The following XDH variants were observed in gnomAD, a reference collection of about 807,000 sequenced individuals.
XDH encodes xanthine dehydrogenase/oxidase.
XDH carries 138 observed loss-of-function variants against 156.1 expected under a neutral mutation model. The ratio of observed to expected loss-of-function variants is 0.88; its 90% CI spans 0.77 to 1.02. XDH has a LOEUF of 1.02. Ranked by LOEUF, XDH falls within the 50% of genes least tolerant of loss-of-function variation. The pLI, the probability that XDH is intolerant of heterozygous loss-of-function variation, is 0.00. For missense variants in XDH, 1,849 were observed against 1,684.9 expected, an observed-to-expected ratio of 1.10 and a Z score of -1.71; for synonymous variants, 669 against 625.7, an observed-to-expected ratio of 1.07 and a Z score of -1.03.
At chr2:31,401,506 CA>C (rs991616776) in intron 3 of XDH, among the ~76,000 whole-genome samples, 178 bp from the exon 4 acceptor site, 8 of 152,184 alleles carry the variant, frequency 5.3e-5, no homozygotes, top group Non-Finnish European at 1.0e-4. Flanking sequence ...GGGAAAGGAA[CA>C]AAGGAAGCTC....
At chr2:31,401,166 C>G (rs1229808612) in intron 4 of XDH, 54 bp downstream of exon 4, 1 of 1,599,022 alleles carries the variant, frequency 6.3e-7, no homozygotes, top group African/African-American at 1.3e-5. Flanking sequence ...CATGAGCCTC[C>G]CTGCAGAGGA....
At chr2:31,376,109 G>C (rs2148775382) in intron 14 of XDH, among the ~76,000 whole-genome samples, 1 of 152,162 alleles carries the variant, frequency 6.6e-6, no homozygotes, top group African/African-American at 2.4e-5. Flanking sequence ...AGTAATAGTA[G>C]TAGCAGTAGT....
At chr2:31,387,696 C>A in intron 8 of XDH, 115 bp downstream of exon 8, 1 of 1,031,054 alleles carries the variant, frequency 9.7e-7, no homozygotes, top group South Asian at 1.5e-5. Flanking sequence ...GAAATTTAAG[C>A]TGAAACATAA....
Position 31,349,669 on chromosome 2 carries a change from C to G in XDH, c.2969+17G>C. ...GAAACCCAGAAGAGCAACTGGACTT[C>G]TACTCCTAGTGCTTACTTGTTGAAC... On this transcript the variant is annotated intron_variant, in intron 26 of 35. Coordinates refer to ENST00000379416, the MANE Select transcript of XDH (RefSeq NM_000379.4). 1 of 1,613,436 alleles carries G rather than the reference C, an allele frequency of 6.2e-7. No individual in the cohort carries two copies. Among genetic ancestry groups the G allele is most frequent in the Non-Finnish European group, 8.5e-7 (1 of 1,180,032 alleles).
At chr2:31,345,850 T>A (rs1368787718) in intron 30 of XDH, among the ~76,000 whole-genome samples, 1 of 152,182 alleles carries the variant, frequency 6.6e-6, no homozygotes, top group South Asian at 2.1e-4. Context: ...ACAGGTCAGA[T>A]GATAGAACAT....
At chr2:31,346,665 T>C in intron 30 of XDH, 104 bp downstream of exon 30, 2 of 1,365,990 alleles carry the variant, frequency 1.5e-6, no homozygotes, top group Non-Finnish European at 2.1e-6. Context: ...TCTGCTGTTC[T>C]GACTAAAATA....
At chr2:31,360,128 C>T (rs1424840318) in intron 24 of XDH, among the ~76,000 whole-genome samples, 4 of 152,204 alleles carry the variant, frequency 2.6e-5, no homozygotes, top group African/African-American at 4.8e-5. Context: ...TTTCACTTTC[C>T]GTAGTTTGTT....
At chr2:31,346,384 G>C (rs769523192) in intron 30 of XDH, among the ~76,000 whole-genome samples, 3 of 152,182 alleles carry the variant, frequency 2.0e-5, no homozygotes, top group Non-Finnish European at 4.4e-5. Flanking sequence ...TCAAGAGATG[G>C]AGATTTGAGG....
chr2:31,408,529 T>C (rs998642337), intron 1 of XDH, among the ~76,000 whole-genome samples: 4 of 152,240 alleles, frequency 2.6e-5, no homozygotes, highest in African/African-American at 7.2e-5. Flanking sequence ...CATAATGGGC[T>C]ATAATACATT....
In XDH at chr2:31,350,126, G is replaced by A. The variant is rs669884; in HGVS notation, c.2729C>T (p.Thr910Met). The A allele has an allele frequency of 4.1e-4, 657 of 1,614,224 alleles. 1 individual carries two copies. The African/African-American group carries it at 6.5e-3, about 16-fold the overall frequency. Residue 910 changes from threonine to methionine, a missense_variant, in exon 25 of 36, where the codon ACG becomes ATG. Transcript: ENST00000379416. ...GGGCCCCCCAAAGCCCCGGAAGGCC[G>A]TGTTGGAGGGAAGGTTGGTTTTGCA... ...RLCKTNLPSNTAFRGFGGPQG... is the reference protein window; with the variant it reads ...RLCKTNLPSNMAFRGFGGPQG...
intron 2 of XDH, 40 bp downstream of exon 2, chr2:31,405,867 G>T: frequency 6.2e-7 from 1 of 1,609,832 alleles, no homozygotes; most frequent in South Asian, 1.1e-5. Flanking sequence ...AGTCACCATT[G>T]CCCCCCTTCT....
chr2:31,355,816 T>A (rs1685608738), intron 24 of XDH, among the ~76,000 whole-genome samples: 1 of 152,116 alleles, frequency 6.6e-6, no homozygotes, highest in Non-Finnish European at 1.5e-5. Flanking sequence ...TAAATACAGT[T>A]AAAAGAGATT....
chr2:31,336,714 G>A (rs968128427), intron 35 of XDH, among the ~76,000 whole-genome samples: 4 of 150,438 alleles, frequency 2.7e-5, no homozygotes, highest in Non-Finnish European at 4.4e-5. Context: ...TGAGGTCTGC[G>A]GATGGTGGAT....
intron 10 of XDH, among the ~76,000 whole-genome samples, chr2:31,383,384 T>A (rs1686492663): frequency 6.6e-6 from 1 of 152,162 alleles, no homozygotes; most frequent in African/African-American, 2.4e-5. Context: ...CAACCAATGC[T>A]CTTTCCTCTA....
rs545257833 is a variant in XDH at position 31,378,634 on chromosome 2, C to G, written c.1242+1233G>C. On this transcript the variant is annotated intron_variant, in intron 13 of 35. Coordinates refer to ENST00000379416, the MANE Select transcript of XDH (RefSeq NM_000379.4). ...TGTTCTGGAACAGAGGTCCCAGGTGCTCACTCCCAGGACTGTGCCCATCCA... is the reference window on the plus strand; with the variant it reads ...TGTTCTGGAACAGAGGTCCCAGGTGGTCACTCCCAGGACTGTGCCCATCCA... Among the ~76,000 whole-genome samples, 3 of 152,170 alleles carry G rather than the reference C, an allele frequency of 2.0e-5. No individual in the cohort carries two copies. In the South Asian group the frequency reaches 6.2e-4, roughly 32 times the overall value.
In XDH at chr2:31,377,191, T is replaced by C; in HGVS notation, c.1289A>G (p.Asp430Gly). The change falls in exon 14 of 36, where the codon GAC becomes GGC. Residue 430 changes from aspartate (D) to glycine (G), a missense_variant. Transcript: ENST00000379416. The part of the protein sequence containing the change: ...AFKQASRRED[D>G]IAKVTSGMRV... ...CATGCCACTGGTTACCTTGGCAATGTCATCTTCTCTCCGGGAGGCCTGCTT... is the reference window on the plus strand; with the variant it reads ...CATGCCACTGGTTACCTTGGCAATGCCATCTTCTCTCCGGGAGGCCTGCTT... 1.2e-6 allele frequency: 2 copies of C among 1,614,160 alleles called. No homozygotes were observed. Among genetic ancestry groups the C allele is most frequent in the Non-Finnish European group, 1.7e-6 (2 of 1,180,016 alleles).
chr2:31,398,655 G>A lies in XDH; in HGVS notation c.351C>T (p.Thr117=), dbSNP rs967897287. The A allele has an allele frequency of 4.3e-6, 7 of 1,614,140 alleles. No individual in the cohort carries two copies. The highest frequency in any genetic ancestry group is 5.9e-6 in the Non-Finnish European group (7 of 1,179,998). ...KSHGSQCGFC[T]PGIVMSMYTL... ...TGTACATACTCATGACGATGCCAGG[G>A]GTGCAGAACCCGCACTGGGAGCCGT... The change falls in exon 5 of 36, where the codon ACC becomes ACT. Residue 117 remains threonine, a synonymous_variant. Coordinates refer to ENST00000379416, the MANE Select transcript of XDH (RefSeq NM_000379.4).
rs762258016 is a variant in XDH, at chr2:31,386,469, C to G, written c.738G>C (p.Leu246=). The change falls in exon 9 of 36, where the codon CTG becomes CTC. Residue 246 remains leucine, a synonymous_variant. Coordinates refer to ENST00000379416, the MANE Select transcript of XDH (RefSeq NM_000379.4). The stretch of plus-strand genomic sequence containing the variant: ...CGTCAGGGTGCTGAGCCTTGAGGTC[C>G]AGCAGCTCCTTGAGGGTTGAGGCCT... The part of the protein sequence containing the change: ...WIQASTLKEL[L]DLKAQHPDAK... 6.2e-7 allele frequency: 1 copy of G among 1,614,088 alleles called. No individual in the cohort carries two copies. The highest frequency in any genetic ancestry group is 1.3e-5 in the African/African-American group (1 of 75,042).
At chr2:31,362,534 T>C (rs1270051016) in intron 24 of XDH, among the ~76,000 whole-genome samples, 5 of 152,346 alleles carry the variant, frequency 3.3e-5, no homozygotes, top group South Asian at 4.1e-4. Context: ...ATTTTTAATA[T>C]GAGTTTTACC....
Sources: gnomAD v4.1 joint callset for allele counts (sites outside exome capture counted in the v4.1 genomes callset) on GRCh38, gnomAD v4.1.1 for gene constraint, MANE v1.5 for transcripts, NCBI Gene and HGNC (gene_info 2026-07-23, HGNC 2026-07-21) for gene names.